PDE1A: variants seen among roughly 807,000 people sequenced by gnomAD.
The protein encoded by PDE1A is dual specificity calcium/calmodulin-dependent 3',5'-cyclic nucleotide phosphodiesterase 1A.
Under a neutral mutation model 61.7 loss-of-function variants are expected in PDE1A, and 35 were observed. The ratio of observed to expected loss-of-function variants is 0.57; its 90% CI spans 0.43 to 0.75. The LOEUF (loss-of-function observed/expected upper bound fraction) is 0.75, where lower values mean the gene tolerates loss of function less well. Ranked by LOEUF, PDE1A falls within the 30% of genes least tolerant of loss-of-function variation. The pLI is 0.00. For missense variants in PDE1A, 597 were observed against 630.6 expected, an observed-to-expected ratio of 0.95 and a Z score of 0.57; for synonymous variants, 232 against 213.2, an observed-to-expected ratio of 1.09 and a Z score of -0.77.
intron 2 of PDE1A, among the ~76,000 whole-genome samples, chr2:182,245,155 C>A (rs544118995): frequency 6.6e-6 from 1 of 152,282 alleles, no homozygotes; most frequent in South Asian, 2.1e-4. Flanking sequence ...GCTATCCCTG[C>A]CTGAAAGCCA....
the PDE1A span, among the ~76,000 whole-genome samples, chr2:182,700,971 T>C: frequency 6.6e-6 from 1 of 151,924 alleles, no homozygotes; most frequent in East Asian, 1.9e-4. Flanking sequence ...AGTTTTCATT[T>C]AAAAAAAATC....
At chr2:182,440,950 C>T (rs1012981532) in intron 2 of PDE1A, among the ~76,000 whole-genome samples, 1 of 151,962 alleles carries the variant, frequency 6.6e-6, no homozygotes, top group African/African-American at 2.4e-5. Context: ...GATACTAATG[C>T]ATGTGTACTA....
At chr2:182,156,187 G>T (rs1293411707) in intron 13 of PDE1A, among the ~76,000 whole-genome samples, 1 of 152,090 alleles carries the variant, frequency 6.6e-6, no homozygotes. Context: ...GCAGGAAATA[G>T]CATAAGAGCA....
rs571020751 is a variant in PDE1A, at chr2:182,160,283, G to A, written c.1517-13131C>T. Among the ~76,000 whole-genome samples the A allele has an allele frequency of 1.3e-4, 20 of 152,230 alleles. No homozygotes were observed. The South Asian group carries it at 4.1e-3, about 32-fold the overall frequency. On this transcript the variant is annotated intron_variant, in intron 13 of 13. Transcript: ENST00000409365. ...ATTAATTTTAGGTGTCAATTTGACTGGATTGAGGGCTGGTGAGGTACTGAT... is the reference window on the plus strand; with the variant it reads ...ATTAATTTTAGGTGTCAATTTGACTAGATTGAGGGCTGGTGAGGTACTGAT...
chr2:182,474,916 A>G (rs1406350077), intron 2 of PDE1A, among the ~76,000 whole-genome samples: 2 of 151,910 alleles, frequency 1.3e-5, no homozygotes, highest in Admixed American at 6.6e-5. Context: ...ACTCCTCACA[A>G]AAGAGAAGAT....
At chr2:182,148,957 G>C (rs1690634647) in intron 13 of PDE1A, among the ~76,000 whole-genome samples, 1 of 151,624 alleles carries the variant, frequency 6.6e-6, no homozygotes. Flanking sequence ...TCATTTGTTT[G>C]AATTGGGAAA....
intron 1 of PDE1A, among the ~76,000 whole-genome samples, chr2:182,349,349 C>A (rs1355095155): frequency 6.6e-6 from 1 of 152,196 alleles, no homozygotes; most frequent in African/African-American, 2.4e-5. Flanking sequence ...ACTGTGCCAG[C>A]ATAGGTCAGC....
chr2:182,704,226 C>CAAAAAAAAAAAAAAAAAAAAAAA, the PDE1A span, among the ~76,000 whole-genome samples: 1 of 95,920 alleles, frequency 1.0e-5, no homozygotes. Flanking sequence ...AAAAAAAAAA[C>CAAAAAAAAAAAAAAAAAAAAAAA]AAAAAAAAAA....
chr2:182,443,219 A>C (rs372855345), intron 2 of PDE1A, among the ~76,000 whole-genome samples: 1 of 151,738 alleles, frequency 6.6e-6, no homozygotes, highest in African/African-American at 2.4e-5. Context: ...TAAAAAAAAA[A>C]CCCTTAAGGA....
intron 13 of PDE1A, among the ~76,000 whole-genome samples, chr2:182,177,741 A>T (rs1684389179): frequency 6.9e-6 from 1 of 144,958 alleles, no homozygotes; most frequent in South Asian, 2.2e-4. Flanking sequence ...CATAATAAAA[A>T]AATGTCTTTT....
At chr2:182,417,548 A>G (rs1335784769) in intron 1 of PDE1A, among the ~76,000 whole-genome samples, 1 of 152,224 alleles carries the variant, frequency 6.6e-6, no homozygotes, top group Non-Finnish European at 1.5e-5. Flanking sequence ...CTAAAAAAGC[A>G]TTGAAGATTT....
At chr2:182,644,363 A>G in the PDE1A span, among the ~76,000 whole-genome samples, 2 of 150,612 alleles carry the variant, frequency 1.3e-5, no homozygotes, top group South Asian at 4.2e-4. Context: ...GATCCAAACC[A>G]TGGAGTTTGG....
At chr2:182,195,392 G>A (rs899043456) in intron 10 of PDE1A, among the ~76,000 whole-genome samples, 1 of 151,986 alleles carries the variant, frequency 6.6e-6, no homozygotes, top group Non-Finnish European at 1.5e-5. Context: ...AGACAGGAAG[G>A]GGAAGACTCA....
chr2:182,170,289 T>C (rs759491982), intron 13 of PDE1A, among the ~76,000 whole-genome samples: 5 of 151,732 alleles, frequency 3.3e-5, no homozygotes, highest in Non-Finnish European at 7.4e-5. Context: ...TTAGCTGTAA[T>C]TTTTTTTGTA....
chr2:182,189,782 A>C (rs1685537004), intron 10 of PDE1A, among the ~76,000 whole-genome samples: 1 of 152,216 alleles, frequency 6.6e-6, no homozygotes, highest in East Asian at 1.9e-4. Context: ...GTTCTGGTCA[A>C]ACCTCTAATA....
chr2:182,637,630 G>T, the PDE1A span, among the ~76,000 whole-genome samples: 1 of 152,174 alleles, frequency 6.6e-6, no homozygotes, highest in East Asian at 1.9e-4. Context: ...CTTCCAAAAT[G>T]TCAAAGTCAG....
chr2:182,212,212 C>T lies in PDE1A; in HGVS notation c.777-6147G>A, dbSNP rs970651581. On this transcript the variant is annotated intron_variant, in intron 7 of 13. Coordinates refer to ENST00000351439, the Ensembl canonical transcript of PDE1A. ...CAATTAAAATTATATATATTACGTA[C>T]GAGATAATGTCTTGAAACATATATA... 2.3e-4 allele frequency among the ~76,000 whole-genome samples: 34 copies of T among 150,102 alleles called. 1 individual carries two copies. Among genetic ancestry groups the T allele is most frequent in the South Asian group, 6.3e-4 (3 of 4,768 alleles).
intron 1 of PDE1A, among the ~76,000 whole-genome samples, chr2:182,269,260 G>A (rs1003253384): frequency 2.0e-5 from 3 of 151,986 alleles, no homozygotes; most frequent in East Asian, 1.9e-4. Context: ...AGGCCGAAGC[G>A]GGTGGATCAC....
At chr2:182,517,630 T>C (rs531744100) in intron 2 of PDE1A, among the ~76,000 whole-genome samples, 29 of 152,304 alleles carry the variant, frequency 1.9e-4, no homozygotes, top group African/African-American at 6.3e-4. Context: ...AGGTTATTTA[T>C]GAGCTGAAAA....
Sources: gnomAD v4.1 joint callset for allele counts (sites outside exome capture counted in the v4.1 genomes callset) on GRCh38, gnomAD v4.1.1 for gene constraint, MANE v1.5 for transcripts, NCBI Gene and HGNC (gene_info 2026-07-23, HGNC 2026-07-21) for gene names.